The following HOOK3 variants were observed in gnomAD, a reference collection of about 807,000 sequenced individuals.
The protein encoded by HOOK3 is protein Hook homolog 3.
HOOK3 carries 24 observed loss-of-function variants against 116.3 expected under a neutral mutation model. That is an observed-to-expected ratio of 0.21 (90% confidence interval 0.15 to 0.29). The LOEUF (loss-of-function observed/expected upper bound fraction) is 0.29, where lower values mean the gene tolerates loss of function less well. Ranked by LOEUF, HOOK3 falls within the 10% of genes least tolerant of loss-of-function variation. The probability of loss-of-function intolerance (pLI) is 1.00; values close to 1 mark genes in which losing one functional copy is unlikely to be tolerated. For synonymous variants in HOOK3, 275 were observed against 283.0 expected (o/e 0.97, Z 0.28); for missense variants, 632 against 830.2 (o/e 0.76, Z 2.93).
chr8:42,928,323 C>A (rs997367276), intron 3 of HOOK3, among the ~76,000 whole-genome samples: 1 of 150,854 alleles, frequency 6.6e-6, no homozygotes, highest in African/African-American at 2.4e-5. Flanking sequence ...TGGTGCCGGG[C>A]GCCTGTAATT....
chr8:42,992,552 C>CAAAAAAT, intron 15 of HOOK3, among the ~76,000 whole-genome samples: 1 of 150,908 alleles, frequency 6.6e-6, no homozygotes, highest in African/African-American at 2.4e-5. Context: ...CCCGTCTCTG[C>CAAAAAAT]TAAAAATACA....
chr8:42,943,392 GA>G lies in HOOK3; in HGVS notation c.349del (p.Arg117GlyfsTer7). The G allele has an allele frequency of 6.4e-7, 1 of 1,571,672 alleles. No individual in the cohort carries two copies. Among genetic ancestry groups the G allele is most frequent in the South Asian group, 1.2e-5 (1 of 80,904 alleles). ...IGEHSDAAELGRMLQLILGCA... is the reference protein window; with the variant it reads ...IGEHSDAAELXRMLQLILGCA... ...GAGCATTCTGATGCAGCAGAGCTTG[GA>G]AGGATGCTTCAGCTCATCTTAGGCT... On this transcript the variant is annotated frameshift_variant, in exon 5 of 22. Transcript: ENST00000307602. LOFTEE classifies it high-confidence loss of function.
chr8:42,951,903 T>C (rs1025847031), intron 6 of HOOK3, among the ~76,000 whole-genome samples: 4 of 151,138 alleles, frequency 2.6e-5, no homozygotes, highest in African/African-American at 9.7e-5. Flanking sequence ...ATCGCACCAC[T>C]GTACTCCAGC....
At position 43,022,098 on chromosome 8, in the gene HOOK3, A is replaced by C. The variant is rs1194010204; in HGVS notation, c.*3600A>C. The C allele has an allele frequency of 2.0e-5, 4 of 201,088 alleles. No individual in the cohort carries two copies. The highest frequency in any genetic ancestry group is 4.6e-5 in the African/African-American group (2 of 43,458). 12.5% of individuals were successfully genotyped at this position (201,088 alleles called of 1,614,324 possible). A position where few individuals can be genotyped will look rare whatever the true frequency, so the allele number is the denominator to read the frequency against. On this transcript the variant is annotated 3_prime_UTR_variant, in exon 22 of 22. Transcript: ENST00000307602. ...AACAGGCTGTTGTAAAAAAAAAAAA[A>C]AAAAAAACTTCTGAATATACTTTAG...
Position 43,027,887 on chromosome 8 carries a change from A to G in HOOK3, c.*9389A>G, listed in dbSNP as rs1809963469. The G allele has an allele frequency of 5.0e-6, 1 of 200,634 alleles. No homozygotes were observed. The highest frequency in any genetic ancestry group is 2.3e-5 in the African/African-American group (1 of 43,602). 12.4% of individuals were successfully genotyped at this position (200,634 alleles called of 1,614,324 possible). ...ATAGAACATTTCCAGTATTGCCAAA[A>G]ATGCTATTCAACAGCACTTTTATTG... On this transcript the variant is annotated 3_prime_UTR_variant, in exon 22 of 22. Transcript: ENST00000307602.
intron 4 of HOOK3, among the ~76,000 whole-genome samples, chr8:42,939,504 CGGCTGGCCGGGCGGGGGGCTG>C (rs1808053104): frequency 1.4e-5 from 2 of 143,788 alleles, no homozygotes; most frequent in Non-Finnish European, 3.1e-5. Context: ...CCGGACGGGG[CGGCTGGCCGGGCGGGGGGCTG>C]ATCCCCCCAC....
intron 4 of HOOK3, among the ~76,000 whole-genome samples, chr8:42,935,153 CT>C (rs1807942832): frequency 1.3e-5 from 2 of 152,114 alleles, no homozygotes; most frequent in African/African-American, 2.4e-5. Context: ...TGATGGTGAG[CT>C]TTTTTTCATA....
At chr8:42,929,280 A>G (rs1016151744) in intron 3 of HOOK3, among the ~76,000 whole-genome samples, 1 of 152,190 alleles carries the variant, frequency 6.6e-6, no homozygotes, top group African/African-American at 2.4e-5. Flanking sequence ...AAGATAAATA[A>G]GCAAGTTTTC....
intron 17 of HOOK3, among the ~76,000 whole-genome samples, chr8:43,006,959 A>G (rs977692278): frequency 1.3e-5 from 2 of 149,004 alleles, no homozygotes; most frequent in African/African-American, 5.0e-5. Context: ...TCAGTTAATT[A>G]TTTAAATACC....
In HOOK3 at chr8:43,027,428, GATGAGAGACATGCTTTTAAAGTACA is replaced by G. The variant is rs2130508007; in HGVS notation, c.*8932_*8956del. On this transcript the variant is annotated 3_prime_UTR_variant, in exon 22 of 22. Coordinates refer to ENST00000307602, the MANE Select transcript of HOOK3 (RefSeq NM_032410.4). ...CATTCTGTCATTTGTTCTGTTTGTAGATGAGAGACATGCTTTTAAAGTACAAAACGTTTCTCTTCTACCTTACCCC... is the reference window on the plus strand; with the variant it reads ...CATTCTGTCATTTGTTCTGTTTGTAGAAACGTTTCTCTTCTACCTTACCCC... The G allele has an allele frequency of 2.2e-6, 1 of 460,226 alleles. No individual in the cohort carries two copies. Among genetic ancestry groups the G allele is most frequent in the Non-Finnish European group, 4.2e-6 (1 of 237,156 alleles). 28.5% of individuals were successfully genotyped at this position (460,226 alleles called of 1,614,324 possible). A position where few individuals can be genotyped will look rare whatever the true frequency, so the allele number is the denominator to read the frequency against.
chr8:43,020,929 C>T lies in HOOK3; in HGVS notation c.*2431C>T, dbSNP rs141797573. The T allele has an allele frequency of 0.029, 5,191 of 178,018 alleles. 114 individuals are homozygous for T. The highest frequency in any genetic ancestry group is 0.052 in the Middle Eastern group (24 of 466). The allele number at this position is 178,018 out of a possible 1,614,324, so 11.0% of individuals were successfully genotyped here. On this transcript the variant is annotated 3_prime_UTR_variant, in exon 22 of 22. Transcript: ENST00000307602. Reference sequence around the variant, plus strand: ...CAGCCTGTCCAACATGGTGAAACTCCGTCTCTACTAAAAATACAAACAATT... The same window carrying T: ...CAGCCTGTCCAACATGGTGAAACTCTGTCTCTACTAAAAATACAAACAATT...
chr8:42,897,830 A>G (rs1807062673), intron 1 of HOOK3, among the ~76,000 whole-genome samples: 2 of 152,072 alleles, frequency 1.3e-5, no homozygotes, highest in African/African-American at 2.4e-5. Flanking sequence ...ATACATGTTC[A>G]CCTCTCACGT....
chr8:42,911,961 T>C (rs1008364372), intron 2 of HOOK3, among the ~76,000 whole-genome samples: 3 of 152,310 alleles, frequency 2.0e-5, no homozygotes, highest in African/African-American at 7.2e-5. Flanking sequence ...ACTGGAGATA[T>C]CTATTTGAAT....
At chr8:42,956,450 G>A (rs1446707924) in intron 6 of HOOK3, among the ~76,000 whole-genome samples, 1 of 151,456 alleles carries the variant, frequency 6.6e-6, no homozygotes, top group Non-Finnish European at 1.5e-5. Context: ...TTATTACTAG[G>A]CTTGCGGTGA....
chr8:43,005,474 G>C (rs765817344), intron 17 of HOOK3, among the ~76,000 whole-genome samples: 126 of 151,332 alleles, frequency 8.3e-4, no homozygotes, highest in Middle Eastern at 3.4e-3. Flanking sequence ...CGCCTGCCTC[G>C]GCCTTCCAAA....
chr8:42,934,289 G>A (rs991587196), intron 4 of HOOK3, among the ~76,000 whole-genome samples: 3 of 151,800 alleles, frequency 2.0e-5, no homozygotes, highest in South Asian at 2.1e-4. Flanking sequence ...TTGCAAGAGC[G>A]CTTTATGTTT....
chr8:42,979,718 A>G (rs1481331425), intron 13 of HOOK3, among the ~76,000 whole-genome samples: 1 of 152,080 alleles, frequency 6.6e-6, no homozygotes, highest in Non-Finnish European at 1.5e-5. Context: ...TGTTCTCACC[A>G]CCACTCTCCT....
Position 43,005,199 on chromosome 8 carries a change from C to CTA in HOOK3, c.1656-2635_1656-2634dup, listed in dbSNP as rs59181434. Among the ~76,000 whole-genome samples the CTA allele has an allele frequency of 4.3e-3, 414 of 95,242 alleles. 3 individuals are homozygous for CTA. Among genetic ancestry groups the CTA allele is most frequent in the Middle Eastern group, 9.1e-3 (1 of 110 alleles). 62.5% of individuals were successfully genotyped at this position (95,242 alleles called of 152,430 possible). The stretch of plus-strand genomic sequence containing the variant: ...TTAAGTGCTCTCTCTCTCTCTCTCT[C>CTA]TATATATATATATAATTTTTTTTTT... On this transcript the variant is annotated intron_variant, in intron 17 of 21. Transcript: ENST00000307602.
chr8:42,950,501 T>A, intron 6 of HOOK3, 46 bp downstream of exon 6: 1 of 1,244,154 alleles, frequency 8.0e-7, no homozygotes, highest in Non-Finnish European at 1.2e-6. Context: ...ATTAAAGGAG[T>A]AAACATGAGT....
Sources: gnomAD v4.1 joint callset for allele counts (sites outside exome capture counted in the v4.1 genomes callset) on GRCh38, gnomAD v4.1.1 for gene constraint, MANE v1.5 for transcripts, NCBI Gene and HGNC (gene_info 2026-07-23, HGNC 2026-07-21) for gene names.